The following DAB1 variants were observed in gnomAD, a reference collection of about 807,000 sequenced individuals.
DAB1 encodes the protein disabled homolog 1.
DAB1 carries 15 observed loss-of-function variants against 64.6 expected under a neutral mutation model. The ratio of observed to expected loss-of-function variants is 0.23; its 90% CI spans 0.16 to 0.36. The LOEUF (loss-of-function observed/expected upper bound fraction) is 0.36, where lower values mean the gene tolerates loss of function less well. Ranked by LOEUF, DAB1 falls within the 10% of genes least tolerant of loss-of-function variation. DAB1 has a pLI of 1.00. For synonymous variants in DAB1, 235 were observed against 251.9 expected, an observed-to-expected ratio of 0.93 and a Z score of 0.64; for missense variants, 596 against 706.7, an observed-to-expected ratio of 0.84 and a Z score of 1.78.
At chr1:57,978,324 C>T (rs1377136151) in intron 5 of DAB1, among the ~76,000 whole-genome samples, 8 of 152,104 alleles carry the variant, frequency 5.3e-5, no homozygotes, top group Admixed American at 4.6e-4. Context: ...GAAAAGATGC[C>T]CTATTTAATA....
chr1:57,431,871 C>T (rs1015983132), intron 7 of DAB1, among the ~76,000 whole-genome samples: 31 of 152,098 alleles, frequency 2.0e-4, no homozygotes, highest in Non-Finnish European at 4.3e-4. Flanking sequence ...TGCCTATAAT[C>T]CCAGCACTTT....
intron 1 of DAB1, among the ~76,000 whole-genome samples, chr1:57,343,448 C>G (rs987058530): frequency 6.6e-6 from 1 of 152,210 alleles, no homozygotes; most frequent in African/African-American, 2.4e-5. Context: ...CACCGTGCGC[C>G]CGCACTCCTG....
At chr1:58,074,545 C>CACATATATATATATATATATATATAT (rs1557638895) in intron 5 of DAB1, 1 of 60,958 alleles carries the variant, frequency 1.6e-5, no homozygotes, top group African/African-American at 7.9e-5. Context: ...TATATATATA[C>CACATATATATATATATATATATATAT]ACACATATAT....
At chr1:57,198,687 A>ACACC (rs1553155148) in intron 2 of DAB1, among the ~76,000 whole-genome samples, 3 of 150,742 alleles carry the variant, frequency 2.0e-5, no homozygotes, top group South Asian at 2.1e-4. Context: ...ACACACACAC[A>ACACC]CACCCATCAA....
At chr1:58,395,170 T>C (rs1163435302) in intron 3 of DAB1, among the ~76,000 whole-genome samples, 1 of 152,084 alleles carries the variant, frequency 6.6e-6, no homozygotes, top group East Asian at 1.9e-4. Context: ...TTAAGAAGAA[T>C]GGGGAAGGTT....
At chr1:57,600,670 G>A (rs529810611) in intron 7 of DAB1, among the ~76,000 whole-genome samples, 28 of 152,202 alleles carry the variant, frequency 1.8e-4, no homozygotes, top group Admixed American at 1.4e-3. Context: ...CTTTCCTAGC[G>A]CCTATAGAAT....
upstream of DAB1, among the ~76,000 whole-genome samples, chr1:57,425,721 G>A (rs1408805720): frequency 6.6e-6 from 1 of 152,190 alleles, no homozygotes; most frequent in African/African-American, 2.4e-5. Context: ...AAAAAGGTGG[G>A]AGGGAGGTCC....
chr1:57,172,603 C>A (rs1224029348), intron 2 of DAB1, among the ~76,000 whole-genome samples: 2 of 152,146 alleles, frequency 1.3e-5, no homozygotes, highest in African/African-American at 2.4e-5. Context: ...TGAGCTTCTT[C>A]TACACATGGT....
At chr1:58,197,277 G>T (rs1301091324) in intron 4 of DAB1, among the ~76,000 whole-genome samples, 2 of 152,148 alleles carry the variant, frequency 1.3e-5, no homozygotes, top group Non-Finnish European at 2.9e-5. Flanking sequence ...GAATTAAATA[G>T]AATAGAAGAT....
intron 7 of DAB1, among the ~76,000 whole-genome samples, chr1:57,489,147 C>T (rs1644130418): frequency 6.6e-6 from 1 of 152,174 alleles, no homozygotes; most frequent in East Asian, 1.9e-4. Context: ...TTTTGCCACT[C>T]CATCATTGCT....
chr1:58,377,278 T>C (rs1187588820), intron 3 of DAB1, among the ~76,000 whole-genome samples: 1 of 146,086 alleles, frequency 6.8e-6, no homozygotes, highest in Non-Finnish European at 1.5e-5. Flanking sequence ...CTAGTCTCGA[T>C]GGTCTTTACA....
At chr1:57,979,584 TAAATA>T (rs1225263167) in intron 5 of DAB1, among the ~76,000 whole-genome samples, 2 of 152,150 alleles carry the variant, frequency 1.3e-5, no homozygotes, top group Non-Finnish European at 2.9e-5. Flanking sequence ...GAATAATACA[TAAATA>T]AAATAAAATA....
intron 2 of DAB1, among the ~76,000 whole-genome samples, chr1:57,260,528 C>A (rs1670101798): frequency 6.6e-6 from 1 of 152,158 alleles, no homozygotes; most frequent in Non-Finnish European, 1.5e-5. Context: ...AATTCAAAGC[C>A]TGGTACCTTA....
chr1:58,110,709 C>T (rs1213309959), intron 5 of DAB1, among the ~76,000 whole-genome samples: 1 of 152,184 alleles, frequency 6.6e-6, no homozygotes, highest in Non-Finnish European at 1.5e-5. Flanking sequence ...ATGGGCAGGT[C>T]CCCCATGAGC....
At chr1:58,371,340 C>A (rs1213667) in intron 3 of DAB1, among the ~76,000 whole-genome samples, 101,626 of 152,026 alleles carry the variant, frequency 0.67, 34,110 homozygotes, top group East Asian at 0.8. Flanking sequence ...ATCTGGCAGA[C>A]TGAATTTCTA....
chr1:57,633,371 C>A (rs1646014416), intron 7 of DAB1, among the ~76,000 whole-genome samples: 1 of 152,206 alleles, frequency 6.6e-6, no homozygotes, highest in South Asian at 2.1e-4. Flanking sequence ...GCCTGAGTTT[C>A]TTTATTTCTA....
chr1:57,145,261 G>A, intron 3 of DAB1, 29 bp downstream of exon 3: 7 of 1,608,362 alleles, frequency 4.4e-6, no homozygotes, highest in Non-Finnish European at 4.3e-6. Context: ...TAAACACAAA[G>A]TATTGAAAAG....
chr1:57,068,887 C>T (rs1256367853), intron 8 of DAB1, among the ~76,000 whole-genome samples: 1 of 152,168 alleles, frequency 6.6e-6, no homozygotes, highest in African/African-American at 2.4e-5. Flanking sequence ...GTTTTCTTTG[C>T]ACAATTAAAA....
chr1:58,310,425 A>G (rs1662404382), intron 4 of DAB1, among the ~76,000 whole-genome samples: 1 of 152,194 alleles, frequency 6.6e-6, no homozygotes, highest in African/African-American at 2.4e-5. Context: ...AGGAGAGTAT[A>G]ATGTGTGTAG....
Sources: gnomAD v4.1 joint callset for allele counts (sites outside exome capture counted in the v4.1 genomes callset) on GRCh38, gnomAD v4.1.1 for gene constraint, MANE v1.5 for transcripts, NCBI Gene and HGNC (gene_info 2026-07-23, HGNC 2026-07-21) for gene names.